HSF2BP: variants seen among roughly 807,000 people sequenced by gnomAD.
HSF2BP encodes the protein heat shock factor 2-binding protein.
A neutral mutation model predicts 35.0 loss-of-function variants in HSF2BP; 35 were observed. That is an observed-to-expected ratio of 1.00 (90% confidence interval 0.76 to 1.32). The LOEUF is 1.32. Among genes scored for constraint, HSF2BP ranks in the 40% most tolerant of loss-of-function variants. The probability of loss-of-function intolerance (pLI) is 0.00; values close to 1 mark genes in which losing one functional copy is unlikely to be tolerated. For synonymous variants in HSF2BP, 114 were observed against 117.4 expected, an observed-to-expected ratio of 0.97 and a Z score of 0.18; for missense variants, 326 against 321.7, an observed-to-expected ratio of 1.01 and a Z score of -0.10.
At chr21:43,613,750 G>T in intron 7 of HSF2BP, 80 bp downstream of exon 7, 1 of 956,432 alleles carries the variant, frequency 1.0e-6, no homozygotes, top group Non-Finnish European at 1.7e-6. Flanking sequence ...AATTAACTGT[G>T]TTTACTTGAA....
chr21:43,605,289 A>C (rs1278422684), intron 7 of HSF2BP, among the ~76,000 whole-genome samples: 1 of 142,376 alleles, frequency 7.0e-6, no homozygotes, highest in Non-Finnish European at 1.5e-5. Flanking sequence ...CACACATCAC[A>C]CCCCACACAC....
At chr21:43,601,995 G>A (rs2082058083) in intron 7 of HSF2BP, among the ~76,000 whole-genome samples, 1 of 152,144 alleles carries the variant, frequency 6.6e-6, no homozygotes, top group Non-Finnish European at 1.5e-5. Flanking sequence ...GTGAAAAAGG[G>A]ATCGGGCCAC....
chr21:43,606,857 T>A (rs139170016), intron 7 of HSF2BP, among the ~76,000 whole-genome samples: 17 of 152,202 alleles, frequency 1.1e-4, no homozygotes, highest in African/African-American at 3.9e-4. Flanking sequence ...CGCATGAGAT[T>A]GGAAGAGAAA....
chr21:43,573,175 T>C (rs2081598234), intron 8 of HSF2BP, among the ~76,000 whole-genome samples: 2 of 152,364 alleles, frequency 1.3e-5, no homozygotes, highest in Admixed American at 6.5e-5. Context: ...GGTTTGATCC[T>C]GGCTCCCCTG....
chr21:43,604,060 G>T (rs17004507), intron 7 of HSF2BP, among the ~76,000 whole-genome samples: 6,227 of 152,126 alleles, frequency 0.041, 439 homozygotes, highest in African/African-American at 0.14. Context: ...CTAGTGGTTT[G>T]AAAGGGCAGC....
rs185402956 is a variant in HSF2BP at position 43,646,631 on chromosome 21, G to C, written c.188-2239C>G. On this transcript the variant is annotated intron_variant, in intron 3 of 8. Transcript: ENST00000291560. The stretch of plus-strand genomic sequence containing the variant: ...TTTGACCACCCAAAACGGCTCTCTT[G>C]CATTACGGTAATTTCATAATCACTT... 4.0e-3 allele frequency among the ~76,000 whole-genome samples: 610 copies of C among 152,330 alleles called. 5 individuals are homozygous for C. The highest frequency in any genetic ancestry group is 6.2e-3 in the Non-Finnish European group (422 of 68,028).
At chr21:43,585,889 T>A (rs117515057) in intron 8 of HSF2BP, among the ~76,000 whole-genome samples, 1 of 152,138 alleles carries the variant, frequency 6.6e-6, no homozygotes, top group Non-Finnish European at 1.5e-5. Context: ...TCTGAACACA[T>A]TGAATGTGAA....
intron 2 of HSF2BP, 22 bp downstream of exon 2, chr21:43,658,039 C>G (rs907926076): frequency 6.5e-7 from 1 of 1,535,590 alleles, no homozygotes; most frequent in Non-Finnish European, 8.7e-7. Context: ...ACGCTGGCGT[C>G]GGCCAGGGCT....
intron 4 of HSF2BP, among the ~76,000 whole-genome samples, chr21:43,639,519 CACAG>C (rs1186913426): frequency 1.3e-5 from 2 of 152,072 alleles, no homozygotes; most frequent in African/African-American, 2.4e-5. Context: ...AAAGAGAATA[CACAG>C]ACAGAAAATA....
chr21:43,644,444 C>A, intron 3 of HSF2BP, 52 bp from the exon 4 acceptor site: 1 of 1,397,768 alleles, frequency 7.2e-7, no homozygotes, highest in South Asian at 1.2e-5. Context: ...CTAATCTCTC[C>A]CTAAGCATCT....
At chr21:43,640,971 C>G (rs1331601559) in intron 4 of HSF2BP, among the ~76,000 whole-genome samples, 1 of 152,198 alleles carries the variant, frequency 6.6e-6, no homozygotes, top group Non-Finnish European at 1.5e-5. Flanking sequence ...AACAGTTTAT[C>G]AAGCACAAAA....
chr21:43,588,217 A>C (rs1316473234), intron 8 of HSF2BP, among the ~76,000 whole-genome samples: 4 of 152,060 alleles, frequency 2.6e-5, no homozygotes, highest in Admixed American at 6.6e-5. Flanking sequence ...GTCTCAACTA[A>C]AATTACAAAT....
intron 6 of HSF2BP, among the ~76,000 whole-genome samples, chr21:43,616,661 C>T (rs778989531): frequency 6.7e-6 from 1 of 149,206 alleles, no homozygotes; most frequent in South Asian, 2.1e-4. Context: ...AGAAAAAACA[C>T]GGTGGCTCAC....
chr21:43,644,261 G>T, intron 4 of HSF2BP, 28 bp downstream of exon 4: 2 of 1,558,230 alleles, frequency 1.3e-6, no homozygotes, highest in Non-Finnish European at 1.8e-6. Flanking sequence ...TTTCTGGCTT[G>T]GTGAGAGTCT....
chr21:43,612,870 G>A (rs1266680288), intron 7 of HSF2BP, among the ~76,000 whole-genome samples: 1 of 152,134 alleles, frequency 6.6e-6, no homozygotes. Context: ...CGAACAGTGT[G>A]AGTGGCAGAA....
chr21:43,585,026 G>C (rs2081830569), intron 8 of HSF2BP, among the ~76,000 whole-genome samples: 2 of 141,476 alleles, frequency 1.4e-5, no homozygotes, highest in South Asian at 4.2e-4. Context: ...TTATTTTGCG[G>C]CCAGGAACAG....
intron 3 of HSF2BP, among the ~76,000 whole-genome samples, chr21:43,646,174 A>G (rs2082706394): frequency 6.6e-6 from 1 of 150,854 alleles, no homozygotes; most frequent in South Asian, 2.1e-4. Flanking sequence ...AGTGGTTCTC[A>G]GAAATAGAGC....
chr21:43,649,684 A>G (rs1021387074), intron 3 of HSF2BP, among the ~76,000 whole-genome samples: 5 of 152,220 alleles, frequency 3.3e-5, no homozygotes, highest in African/African-American at 1.2e-4. Flanking sequence ...CTGTCAGTGA[A>G]TATCTGACTG....
chr21:43,638,116 A>G (rs1415647661), intron 4 of HSF2BP, among the ~76,000 whole-genome samples: 2 of 152,190 alleles, frequency 1.3e-5, no homozygotes, highest in African/African-American at 4.8e-5. Context: ...TCCATGTAGA[A>G]AATCTCAAGA....
Sources: allele counts gnomAD v4.1 joint callset (sites outside exome capture counted in the v4.1 genomes callset), GRCh38; gene constraint gnomAD v4.1.1; transcripts MANE v1.5; gene names NCBI Gene and HGNC (gene_info 2026-07-23, HGNC 2026-07-21).